PRDM16: variants seen among roughly 807,000 people sequenced by gnomAD.
The protein encoded by PRDM16 is PR/SET domain 16.
PRDM16 carries 23 observed loss-of-function variants against 110.6 expected under a neutral mutation model. The ratio of observed to expected loss-of-function variants is 0.21; its 90% CI spans 0.15 to 0.29. The LOEUF is 0.29. Ranked by LOEUF, PRDM16 falls within the 10% of genes least tolerant of loss-of-function variation. PRDM16 has a pLI of 1.00. For synonymous variants in PRDM16, 799 were observed against 781.8 expected (o/e 1.02, Z -0.37); for missense variants, 1,615 against 1,794.3 (o/e 0.90, Z 1.81).
At chr1:3,270,664 A>AGGAGGACAGTCGG (rs1358387079) in intron 3 of PRDM16, among the ~76,000 whole-genome samples, 8 of 80,076 alleles carry the variant, frequency 1.0e-4, no homozygotes, top group Admixed American at 7.4e-4. Context: ...AACAGTCAGG[A>AGGAGGACAGTCGG]GGAGGACAGT....
chr1:3,394,919 T>C (rs943075645), intron 4 of PRDM16, among the ~76,000 whole-genome samples: 1 of 151,978 alleles, frequency 6.6e-6, no homozygotes, highest in African/African-American at 2.4e-5. Context: ...GAAGTTACCA[T>C]GGGCCAGTTT....
intron 3 of PRDM16, among the ~76,000 whole-genome samples, chr1:3,356,743 G>A (rs149841740): frequency 4.1e-4 from 63 of 152,272 alleles, no homozygotes; most frequent in African/African-American, 1.2e-3. Context: ...TGGGCAGATC[G>A]AGCAGCTCGG....
At chr1:3,104,709 G>A (rs572902370) in intron 1 of PRDM16, among the ~76,000 whole-genome samples, 10 of 152,158 alleles carry the variant, frequency 6.6e-5, no homozygotes, top group Middle Eastern at 3.4e-3. Context: ...CAAACCCCTA[G>A]TGAAGTCTTC....
intron 1 of PRDM16, among the ~76,000 whole-genome samples, chr1:3,181,088 C>CCTTACACACGCGGCCTTACACACGCAGT (rs1644156521): frequency 1.5e-5 from 1 of 66,794 alleles, no homozygotes; most frequent in Non-Finnish European, 3.4e-5. Flanking sequence ...TTACACACGG[C>CCTTACACACGCGGCCTTACACACGCAGT]CTTACACACG....
chr1:3,264,669 G>T (rs1204445345), intron 3 of PRDM16, among the ~76,000 whole-genome samples: 1 of 145,898 alleles, frequency 6.9e-6, no homozygotes, highest in African/African-American at 2.5e-5. Context: ...GCGTGGAGGG[G>T]CATCTGAGGA....
chr1:3,134,311 G>A (rs1643393258), intron 1 of PRDM16, among the ~76,000 whole-genome samples: 1 of 152,254 alleles, frequency 6.6e-6, no homozygotes, highest in Admixed American at 6.5e-5. Flanking sequence ...CTTGATTCTT[G>A]AAGAGAGGAC....
intron 3 of PRDM16, among the ~76,000 whole-genome samples, chr1:3,270,497 G>A (rs1345724587): frequency 2.0e-5 from 3 of 151,808 alleles, no homozygotes; most frequent in Non-Finnish European, 4.4e-5. Context: ...CAGTTCCAGA[G>A]GAGGACAGTC....
intron 2 of PRDM16, among the ~76,000 whole-genome samples, chr1:3,236,824 C>T (rs1236726696): frequency 7.9e-5 from 12 of 152,328 alleles, no homozygotes; most frequent in Admixed American, 6.5e-4. Context: ...TAGCCTTGCT[C>T]GTGGGTGTGT....
chr1:3,424,436 G>T (rs964219237), intron 12 of PRDM16, among the ~76,000 whole-genome samples: 8 of 152,224 alleles, frequency 5.3e-5, no homozygotes, highest in Non-Finnish European at 8.8e-5. Flanking sequence ...CTTTCCAGCC[G>T]CAAGGGGCCT....
chr1:3,261,449 C>T (rs1640162802), intron 3 of PRDM16, among the ~76,000 whole-genome samples: 1 of 152,134 alleles, frequency 6.6e-6, no homozygotes, highest in African/African-American at 2.4e-5. Flanking sequence ...TGATAAGCCG[C>T]CAATTCATAG....
intron 3 of PRDM16, among the ~76,000 whole-genome samples, chr1:3,315,616 C>A (rs1453440090): frequency 6.6e-6 from 1 of 152,140 alleles, no homozygotes; most frequent in Non-Finnish European, 1.5e-5. Flanking sequence ...ATGGCACAGC[C>A]TGGAGAGGAG....
chr1:3,389,474 G>A (rs990775578), intron 4 of PRDM16, among the ~76,000 whole-genome samples: 4 of 152,204 alleles, frequency 2.6e-5, no homozygotes, highest in Non-Finnish European at 4.4e-5. Context: ...GTTCTCATCT[G>A]GCAATGAGAT....
chr1:3,335,825 TG>T (rs1642134625), intron 3 of PRDM16, among the ~76,000 whole-genome samples: 1 of 152,208 alleles, frequency 6.6e-6, no homozygotes, highest in Non-Finnish European at 1.5e-5. Context: ...CAGCCACCTC[TG>T]CCCAGGTTCA....
intron 2 of PRDM16, among the ~76,000 whole-genome samples, chr1:3,188,744 G>A (rs1198377251): frequency 6.6e-6 from 1 of 152,200 alleles, no homozygotes; most frequent in Non-Finnish European, 1.5e-5. Context: ...AGATGGGACG[G>A]GGGGCAGCCA....
chr1:3,212,662 C>G (rs988808792), intron 2 of PRDM16, among the ~76,000 whole-genome samples: 79 of 152,256 alleles, frequency 5.2e-4, no homozygotes, highest in Non-Finnish European at 1.1e-3. Flanking sequence ...GCGGTCCTCC[C>G]GCTCATCCTC....
At chr1:3,258,405 C>T (rs959481920) in intron 3 of PRDM16, among the ~76,000 whole-genome samples, 1 of 152,152 alleles carries the variant, frequency 6.6e-6, no homozygotes, top group Non-Finnish European at 1.5e-5. Context: ...TTGAATAATA[C>T]TCTCTTTCAG....
intron 1 of PRDM16, among the ~76,000 whole-genome samples, chr1:3,177,221 C>A (rs190333246): frequency 6.6e-6 from 1 of 151,798 alleles, no homozygotes; most frequent in African/African-American, 2.4e-5. Flanking sequence ...ATTCATCCAC[C>A]CACCCACCCA....
intron 10 of PRDM16, among the ~76,000 whole-genome samples, chr1:3,417,028 G>A (rs1638282931): frequency 6.6e-6 from 1 of 152,170 alleles, no homozygotes; most frequent in South Asian, 2.1e-4. Context: ...CCCCTCTCCT[G>A]TCGCTATTGT....
chr1:3,175,983 GCAGCCAGC>G lies in PRDM16; in HGVS notation c.38-10119_38-10112del, dbSNP rs77977474. Among the ~76,000 whole-genome samples, 34 of 125,038 alleles carry G rather than the reference GCAGCCAGC, an allele frequency of 2.7e-4. No homozygotes were observed. The highest frequency in any genetic ancestry group is 9.9e-4 in the African/African-American group (33 of 33,306). 82.0% of individuals were successfully genotyped at this position (125,038 alleles called of 152,430 possible). A position where few individuals can be genotyped will look rare whatever the true frequency, so the allele number is the denominator to read the frequency against. ...TCCACTCACTCACCCATCCATCCAT[GCAGCCAGC>G]CAGCCAGCCAGCCAGCCAGCCATCC... On this transcript the variant is annotated intron_variant, in intron 1 of 16. Transcript: ENST00000270722. The surrounding 1 kb of genome is among the most constrained non-coding windows in gnomAD (Gnocchi z 4.8).
Sources: allele counts gnomAD v4.1 joint callset (sites outside exome capture counted in the v4.1 genomes callset), GRCh38; gene constraint gnomAD v4.1.1; non-coding constraint Gnocchi (gnomAD v3.1); transcripts MANE v1.5; gene names NCBI Gene and HGNC (gene_info 2026-07-23, HGNC 2026-07-21).